The following ERC2 variants were observed in gnomAD, a reference collection of about 807,000 sequenced individuals.
ERC2 encodes the protein ERC protein 2.
A neutral mutation model predicts 114.8 loss-of-function variants in ERC2; 42 were observed. That is an observed-to-expected ratio of 0.37 (90% CI 0.29 to 0.47). The LOEUF (loss-of-function observed/expected upper bound fraction) is 0.47. Ranked by LOEUF, ERC2 falls within the 20% of genes least tolerant of loss-of-function variation. The pLI is 0.99. For missense variants in ERC2, 939 were observed against 1,150.7 expected (o/e 0.82, Z 2.66); for synonymous variants, 454 against 425.5 (o/e 1.07, Z -0.82).
chr3:55,665,300 G>T (rs1202284742), intron 17 of ERC2, among the ~76,000 whole-genome samples: 1 of 152,134 alleles, frequency 6.6e-6, no homozygotes, highest in African/African-American at 2.4e-5. Flanking sequence ...GGAATTTCAG[G>T]GCTGGAAGAA....
chr3:55,849,005 A>AT (rs950390824), intron 14 of ERC2, among the ~76,000 whole-genome samples: 1 of 151,780 alleles, frequency 6.6e-6, no homozygotes, highest in Non-Finnish European at 1.5e-5. Flanking sequence ...GCACTTAAAT[A>AT]TTTTTTTTCA....
intron 3 of ERC2, among the ~76,000 whole-genome samples, chr3:56,246,851 C>T (rs1381624189): frequency 1.3e-5 from 2 of 152,264 alleles, no homozygotes; most frequent in African/African-American, 4.8e-5. Flanking sequence ...GGAATTCTCG[C>T]ATCTTCGCAG....
rs546619434 is a variant in ERC2, at chr3:56,319,425, T to C, written c.658-22990A>G. On this transcript the variant is annotated intron_variant, in intron 2 of 17. Transcript: ENST00000288221. The stretch of plus-strand genomic sequence containing the variant: ...CAAACATTACGTGATTCCACTGATA[T>C]GAGGAATCTAAAATAGTAAAACTCA... Among the ~76,000 whole-genome samples, 6 of 152,230 alleles carry C rather than the reference T, an allele frequency of 3.9e-5. 1 individual carries two copies. The highest frequency in any genetic ancestry group is 1.2e-4 in the African/African-American group (5 of 41,524).
At chr3:56,374,697 C>A (rs754038597) in intron 2 of ERC2, among the ~76,000 whole-genome samples, 2 of 152,132 alleles carry the variant, frequency 1.3e-5, no homozygotes, top group Non-Finnish European at 2.9e-5. Flanking sequence ...ACTATTATGT[C>A]ATCCTCAAAG....
At chr3:55,873,099 G>A (rs1472697001) in intron 14 of ERC2, among the ~76,000 whole-genome samples, 1 of 152,164 alleles carries the variant, frequency 6.6e-6, no homozygotes, top group African/African-American at 2.4e-5. Context: ...CAACAGGGCT[G>A]CCCTGAGAAA....
chr3:56,143,810 A>T (rs1184965533), intron 5 of ERC2, among the ~76,000 whole-genome samples: 1 of 152,246 alleles, frequency 6.6e-6, no homozygotes, highest in Non-Finnish European at 1.5e-5. Context: ...ATATATGTTT[A>T]AAAATATATT....
At chr3:56,460,999 C>CT (rs11336881) in intron 1 of ERC2, among the ~76,000 whole-genome samples, 225 of 124,584 alleles carry the variant, frequency 1.8e-3, no homozygotes, top group African/African-American at 4.4e-3. Context: ...GGCATAAAGG[C>CT]TTTTTTTTTT....
intron 13 of ERC2, among the ~76,000 whole-genome samples, chr3:55,904,197 A>G (rs2064300127): frequency 6.6e-6 from 1 of 152,174 alleles, no homozygotes; most frequent in Admixed American, 6.5e-5. Context: ...GTGGCACAAC[A>G]TTTTTGCCCT....
At chr3:55,515,787 G>A (rs1489820268) in intron 17 of ERC2, among the ~76,000 whole-genome samples, 3 of 151,978 alleles carry the variant, frequency 2.0e-5, no homozygotes, top group Non-Finnish European at 2.9e-5. Flanking sequence ...TAAACGTGTG[G>A]TGTCTCACAA....
At chr3:55,900,234 T>A (rs1453853238) in intron 13 of ERC2, among the ~76,000 whole-genome samples, 1 of 152,254 alleles carries the variant, frequency 6.6e-6, no homozygotes, top group Admixed American at 6.5e-5. Context: ...ATAAAGTTCC[T>A]ATGGGTTTTG....
In ERC2 at chr3:56,214,342, G is replaced by T. The variant is rs1036601485; in HGVS notation, c.1075-40822C>A. On this transcript the variant is annotated intron_variant, in intron 3 of 17. Transcript: ENST00000288221. ...AACTACAGCACGAGAACTACGTGATGAATGCACAAGCTTCAGTAGCTGATT... is the reference window on the plus strand; with the variant it reads ...AACTACAGCACGAGAACTACGTGATTAATGCACAAGCTTCAGTAGCTGATT... Among the ~76,000 whole-genome samples the T allele has an allele frequency of 2.3e-4, 34 of 150,252 alleles. 1 individual carries two copies. Among genetic ancestry groups the T allele is most frequent in the African/African-American group, 8.4e-4 (34 of 40,364 alleles).
At chr3:56,213,471 G>T (rs1202991128) in intron 3 of ERC2, among the ~76,000 whole-genome samples, 1 of 152,190 alleles carries the variant, frequency 6.6e-6, no homozygotes. Context: ...CTGGGGGAGG[G>T]GCGCCCACCA....
chr3:56,277,916 G>A (rs1261292085), intron 3 of ERC2, among the ~76,000 whole-genome samples: 1 of 152,196 alleles, frequency 6.6e-6, no homozygotes, highest in Non-Finnish European at 1.5e-5. Flanking sequence ...AGGAGGCAGA[G>A]TAGCCCGAGG....
chr3:56,366,949 G>A (rs1189373730), intron 2 of ERC2, among the ~76,000 whole-genome samples: 2 of 152,202 alleles, frequency 1.3e-5, no homozygotes, highest in East Asian at 3.9e-4. Context: ...GGAGGGCGCA[G>A]ATTGCCAGGT....
intron 7 of ERC2, among the ~76,000 whole-genome samples, chr3:56,023,767 A>AAAGGAAGGAAGGAAGGAAGGAAGGAAGG (rs768746262): frequency 0.013 from 645 of 49,604 alleles, 8 homozygotes; most frequent in African/African-American, 0.016. Flanking sequence ...ATGAATGAAA[A>AAAGGAAGGAAGGAAGGAAGGAAGGAAGG]AAGGAATGAA....
At position 56,417,120 on chromosome 3, in the gene ERC2, A is replaced by G. The variant is rs62255934; in HGVS notation, c.657+17231T>C. 5.8e-3 allele frequency among the ~76,000 whole-genome samples: 877 copies of G among 152,328 alleles called. 4 individuals are homozygous for G. Among genetic ancestry groups the G allele is most frequent in the Non-Finnish European group, 0.01 (688 of 68,032 alleles). On this transcript the variant is annotated intron_variant, in intron 2 of 17. Transcript: ENST00000288221. ...GTTTATAAAAACCAATCAATCAAAC[A>G]TCTCCTCTGAGTCCTATGTTTCTAG...
chr3:55,595,166 G>C (rs1211011966), intron 17 of ERC2, among the ~76,000 whole-genome samples: 2 of 152,196 alleles, frequency 1.3e-5, no homozygotes, highest in African/African-American at 4.8e-5. Flanking sequence ...GAAGGACCCA[G>C]CAGTTTAAAA....
intron 16 of ERC2, among the ~76,000 whole-genome samples, chr3:55,691,559 AAAAAAAAAAAAAAAATATATATAT>A (rs1416094680): frequency 5.7e-4 from 45 of 79,442 alleles, no homozygotes; most frequent in African/African-American, 1.9e-3. Flanking sequence ...AAAAAAAAAA[AAAAAAAAAAAAAAAATATATATAT>A]ATATATATAT....
At chr3:56,036,554 A>C (rs1166666978) in intron 7 of ERC2, among the ~76,000 whole-genome samples, 1 of 152,068 alleles carries the variant, frequency 6.6e-6, no homozygotes, top group African/African-American at 2.4e-5. Flanking sequence ...TGAATCCTGC[A>C]CCTCCAGCTG....
Sources: gnomAD v4.1 joint callset for allele counts (sites outside exome capture counted in the v4.1 genomes callset) on GRCh38, gnomAD v4.1.1 for gene constraint, MANE v1.5 for transcripts, NCBI Gene and HGNC (gene_info 2026-07-23, HGNC 2026-07-21) for gene names.